Variants in MPP7 observed in about 807,000 individuals in gnomAD.
MPP7 encodes MAGUK p55 scaffold protein 7.
A neutral mutation model predicts 76.5 loss-of-function variants in MPP7; 60 were observed. The ratio of observed to expected loss-of-function variants is 0.78; its 90% CI spans 0.64 to 0.97. The LOEUF is 0.97. MPP7 is among the 50% of genes least tolerant of loss of function. The pLI, the probability that MPP7 is intolerant of heterozygous loss-of-function variation, is 0.00. For synonymous variants in MPP7, 237 were observed against 244.5 expected, an observed-to-expected ratio of 0.97 and a Z score of 0.29; for missense variants, 641 against 694.0, an observed-to-expected ratio of 0.92 and a Z score of 0.86.
intron 12 of MPP7, among the ~76,000 whole-genome samples, chr10:28,077,959 C>A (rs949460840): frequency 2.6e-5 from 4 of 152,096 alleles, no homozygotes; most frequent in African/African-American, 9.7e-5. Flanking sequence ...AACATCCCTG[C>A]AAGAAAGGTA....
At chr10:28,084,670 A>G (rs918436741) in intron 12 of MPP7, among the ~76,000 whole-genome samples, 4 of 152,208 alleles carry the variant, frequency 2.6e-5, no homozygotes, top group Non-Finnish European at 5.9e-5. Flanking sequence ...TTGAGAGACA[A>G]TCTCTGAACT....
intron 1 of MPP7, among the ~76,000 whole-genome samples, chr10:28,275,185 T>C (rs988329322): frequency 6.6e-6 from 1 of 152,192 alleles, no homozygotes; most frequent in Admixed American, 6.5e-5. Flanking sequence ...TGTGTCATCT[T>C]CACTTAATGT....
intron 3 of MPP7, among the ~76,000 whole-genome samples, chr10:28,176,628 T>G (rs1836869091): frequency 6.6e-6 from 1 of 151,350 alleles, no homozygotes; most frequent in African/African-American, 2.4e-5. Flanking sequence ...TCCCAGCTAC[T>G]AGGGAGGCTG....
intron 1 of MPP7, among the ~76,000 whole-genome samples, chr10:28,279,564 GCATGGTGGCA>G (rs1011783937): frequency 9.2e-5 from 14 of 152,000 alleles, no homozygotes; most frequent in African/African-American, 3.1e-4. Context: ...AATTAGCTGG[GCATGGTGGCA>G]CATGCCTATA....
chr10:28,126,986 C>A (rs1462357881), intron 6 of MPP7, among the ~76,000 whole-genome samples: 2 of 152,134 alleles, frequency 1.3e-5, no homozygotes, highest in African/African-American at 4.8e-5. Flanking sequence ...CAGTTCACTC[C>A]AGCCACCACC....
chr10:28,171,816 C>A (rs1836690870), intron 3 of MPP7, among the ~76,000 whole-genome samples: 1 of 152,174 alleles, frequency 6.6e-6, no homozygotes, highest in African/African-American at 2.4e-5. Context: ...TTCTACACAG[C>A]AGACTTTCTG....
At position 28,139,348 on chromosome 10, in the gene MPP7, T is replaced by C. The variant is rs559385190; in HGVS notation, c.316-7657A>G. 6.6e-5 allele frequency among the ~76,000 whole-genome samples: 10 copies of C among 152,312 alleles called. No individual in the cohort carries two copies. The South Asian group carries it at 1.9e-3, about 28-fold the overall frequency. ...CATTCCTTCTGGGCAGCGGACATAG[T>C]TGTCAGCTTGCCCACATCCTGCATT... On this transcript the variant is annotated intron_variant, in intron 5 of 16. Coordinates refer to ENST00000683449, the MANE Select transcript of MPP7 (RefSeq NM_001318170.2).
chr10:28,211,878 G>C (rs1197066438), intron 2 of MPP7, among the ~76,000 whole-genome samples: 2 of 152,056 alleles, frequency 1.3e-5, no homozygotes, highest in Non-Finnish European at 2.9e-5. Flanking sequence ...ACGAGAAGGA[G>C]CTTCACTTTT....
At chr10:28,111,516 G>C (rs1834506059) in intron 11 of MPP7, among the ~76,000 whole-genome samples, 1 of 151,894 alleles carries the variant, frequency 6.6e-6, no homozygotes, top group Non-Finnish European at 1.5e-5. Context: ...GAACAGTTTT[G>C]TTTGTAAATC....
intron 1 of MPP7, among the ~76,000 whole-genome samples, chr10:28,254,286 C>G (rs1839716451): frequency 6.6e-6 from 1 of 151,950 alleles, no homozygotes; most frequent in Non-Finnish European, 1.5e-5. Flanking sequence ...TGCCTGAATC[C>G]CTGAATTATA....
At chr10:28,285,063 A>G (rs1840761675) in intron 1 of MPP7, among the ~76,000 whole-genome samples, 1 of 152,244 alleles carries the variant, frequency 6.6e-6, no homozygotes, top group Non-Finnish European at 1.5e-5. Flanking sequence ...AAAATGCTGT[A>G]GAGACCAATT....
intron 2 of MPP7, among the ~76,000 whole-genome samples, chr10:28,208,063 C>T (rs1838005610): frequency 6.6e-6 from 1 of 152,064 alleles, no homozygotes; most frequent in African/African-American, 2.4e-5. Context: ...CTAAAGAATA[C>T]CTAGGACTGA....
At chr10:28,265,528 C>G (rs1418555678) in intron 1 of MPP7, among the ~76,000 whole-genome samples, 1 of 152,126 alleles carries the variant, frequency 6.6e-6, no homozygotes, top group Non-Finnish European at 1.5e-5. Context: ...CACTGCACTC[C>G]AGCTTGGGCA....
chr10:28,087,217 T>C (rs886137573), intron 12 of MPP7, among the ~76,000 whole-genome samples: 1 of 152,176 alleles, frequency 6.6e-6, no homozygotes, highest in Non-Finnish European at 1.5e-5. Context: ...ACGTGATCTC[T>C]GCACACACAG....
At chr10:28,197,089 C>T (rs1837609694) in intron 3 of MPP7, among the ~76,000 whole-genome samples, 1 of 151,884 alleles carries the variant, frequency 6.6e-6, no homozygotes, top group Non-Finnish European at 1.5e-5. Flanking sequence ...GTGGATTGTT[C>T]GCTCTTGCCT....
intron 12 of MPP7, among the ~76,000 whole-genome samples, chr10:28,083,532 C>T (rs1220366697): frequency 3.5e-4 from 29 of 81,746 alleles, no homozygotes; most frequent in African/African-American, 1.2e-3. Context: ...TTTTCTTCCT[C>T]TTTTTTTTTT....
chr10:28,116,211 T>G (rs1489273477), intron 11 of MPP7, among the ~76,000 whole-genome samples: 2 of 152,118 alleles, frequency 1.3e-5, no homozygotes, highest in Non-Finnish European at 2.9e-5. Flanking sequence ...TTTGATGTCA[T>G]TAGGAAGACA....
intron 1 of MPP7, among the ~76,000 whole-genome samples, chr10:28,254,331 C>T (rs966852714): frequency 1.4e-4 from 21 of 151,994 alleles, no homozygotes; most frequent in Non-Finnish European, 3.1e-4. Context: ...AAGAAAAGGG[C>T]CCAACAAAAT....
chr10:28,150,770 A>G (rs1835858861), intron 3 of MPP7, among the ~76,000 whole-genome samples: 2 of 152,124 alleles, frequency 1.3e-5, no homozygotes. Context: ...TAAAAAATTT[A>G]GCCCTTCATT....
Sources: gnomAD v4.1 joint callset for allele counts (sites outside exome capture counted in the v4.1 genomes callset) on GRCh38, gnomAD v4.1.1 for gene constraint, MANE v1.5 for transcripts, NCBI Gene and HGNC (gene_info 2026-07-23, HGNC 2026-07-21) for gene names.